The following ARHGAP22 variants were observed in gnomAD, a reference collection of about 807,000 sequenced individuals.
ARHGAP22 encodes Rho GTPase activating protein 22.
In ARHGAP22, 48 loss-of-function variants were observed where a neutral mutation model predicts 59.1. The ratio of observed to expected loss-of-function variants is 0.81; its 90% CI spans 0.64 to 1.03. ARHGAP22 has a LOEUF of 1.03. Among genes scored for constraint, ARHGAP22 ranks in the 50% least tolerant of loss-of-function variants. The pLI is 0.00. For synonymous variants in ARHGAP22, 445 were observed against 416.4 expected (o/e 1.07, Z -0.84); for missense variants, 1,015 against 958.7 (o/e 1.06, Z -0.78).
In ARHGAP22 at chr10:48,446,247, C is replaced by T; in HGVS notation, c.*144G>A. On this transcript the variant is annotated 3_prime_UTR_variant, in exon 10 of 10. Transcript: ENST00000249601. ...GAGTGTGTGGGGTCCCAAAAGTCCC[C>T]ACAGTCCCCACAGAGGTATCAGGAT... The T allele has an allele frequency of 1.2e-6, 1 of 844,160 alleles. No homozygotes were observed. Among genetic ancestry groups the T allele is most frequent in the East Asian group, 2.6e-5 (1 of 38,026 alleles). 52.3% of individuals were successfully genotyped at this position (844,160 alleles called of 1,614,324 possible). A position where few individuals can be genotyped will look rare whatever the true frequency, so the allele number is the denominator to read the frequency against.
At chr10:48,648,899 A>G (rs2062431386) in intron 1 of ARHGAP22, among the ~76,000 whole-genome samples, 1 of 152,016 alleles carries the variant, frequency 6.6e-6, no homozygotes, top group Non-Finnish European at 1.5e-5. Flanking sequence ...AGCAACATGG[A>G]TGCCCATGGA....
At chr10:48,571,263 T>C (rs2058376492) in intron 2 of ARHGAP22, among the ~76,000 whole-genome samples, 1 of 152,106 alleles carries the variant, frequency 6.6e-6, no homozygotes, top group Non-Finnish European at 1.5e-5. Flanking sequence ...TGGAATGGAG[T>C]GTAGAAGACA....
intron 5 of ARHGAP22, among the ~76,000 whole-genome samples, chr10:48,458,695 C>T (rs1467743915): frequency 2.0e-4 from 31 of 152,174 alleles, no homozygotes; most frequent in Admixed American, 2.0e-3. Context: ...CGCTGAGACA[C>T]AGGATGGAAG....
At chr10:48,480,573 T>G (rs2049200262) in intron 3 of ARHGAP22, among the ~76,000 whole-genome samples, 1 of 152,090 alleles carries the variant, frequency 6.6e-6, no homozygotes, top group Admixed American at 6.5e-5. Context: ...ATGGGGTGGG[T>G]GGGCCCAAGC....
At chr10:48,515,784 T>G (rs997787269) in intron 3 of ARHGAP22, among the ~76,000 whole-genome samples, 15 of 152,178 alleles carry the variant, frequency 9.9e-5, no homozygotes, top group African/African-American at 3.6e-4. Context: ...ATTTGAGAAA[T>G]TCACAAATAT....
intron 3 of ARHGAP22, among the ~76,000 whole-genome samples, chr10:48,491,589 G>C (rs2050395597): frequency 6.6e-6 from 1 of 152,260 alleles, no homozygotes; most frequent in Admixed American, 6.5e-5. Flanking sequence ...AGCACAGCCA[G>C]CAGAGCCTGG....
intron 1 of ARHGAP22, among the ~76,000 whole-genome samples, chr10:48,593,186 AACG>A (rs1334595160): frequency 6.6e-6 from 1 of 152,196 alleles, no homozygotes; most frequent in East Asian, 1.9e-4. Context: ...TTACTTTTTC[AACG>A]ACACCTCTCT....
intron 3 of ARHGAP22, among the ~76,000 whole-genome samples, chr10:48,534,343 C>A (rs2055149202): frequency 6.6e-6 from 1 of 152,228 alleles, no homozygotes; most frequent in South Asian, 2.1e-4. Context: ...TTCCCTGAAG[C>A]CTCACCCCCA....
At chr10:48,545,140 A>T (rs567676198) in intron 3 of ARHGAP22, among the ~76,000 whole-genome samples, 98 of 152,366 alleles carry the variant, frequency 6.4e-4, no homozygotes, top group South Asian at 1.2e-3. Flanking sequence ...TTTTAAAAAA[A>T]TTTTAAATTT....
chr10:48,534,561 G>T (rs1227085003), intron 3 of ARHGAP22, among the ~76,000 whole-genome samples: 1 of 152,216 alleles, frequency 6.6e-6, no homozygotes, highest in Admixed American at 6.5e-5. Context: ...GTGGGAGGCG[G>T]TCTCGGTTAC....
chr10:48,466,063 G>GGAGCACAGTAGAGGCT (rs1396702361), intron 4 of ARHGAP22, among the ~76,000 whole-genome samples: 3 of 152,098 alleles, frequency 2.0e-5, no homozygotes, highest in African/African-American at 7.2e-5. Context: ...CAGGCCTGGA[G>GGAGCACAGTAGAGGCT]GAGCACAGTA....
At chr10:48,506,354 A>G (rs1438662026) in intron 3 of ARHGAP22, among the ~76,000 whole-genome samples, 2 of 152,252 alleles carry the variant, frequency 1.3e-5, no homozygotes, top group African/African-American at 4.8e-5. Context: ...AAACCTGCAC[A>G]GCATGAGACT....
intron 9 of ARHGAP22, among the ~76,000 whole-genome samples, chr10:48,448,512 C>A (rs1330387669): frequency 2.0e-5 from 3 of 152,218 alleles, no homozygotes; most frequent in Non-Finnish European, 4.4e-5. Context: ...TTTGGGAATG[C>A]ACGAAGGAAG....
intron 1 of ARHGAP22, among the ~76,000 whole-genome samples, chr10:48,586,378 A>G (rs2059424112): frequency 6.6e-6 from 1 of 152,214 alleles, no homozygotes; most frequent in African/African-American, 2.4e-5. Context: ...GAGGGGAGAC[A>G]GCATAACTGC....
In ARHGAP22 at chr10:48,446,485, C is replaced by T; in HGVS notation, c.2003G>A (p.Arg668Lys). 2 of 1,614,240 alleles carry T rather than the reference C, an allele frequency of 1.2e-6. No individual in the cohort carries two copies. Among genetic ancestry groups the T allele is most frequent in the South Asian group, 1.1e-5 (1 of 91,086 alleles). ...TTCCCTCTGCAACAGCTGGTTCCTC[C>T]TCTCCGCATCCTCCCGCGCCCGTTC... ...NSERAREDAE[R>K]RNQLLQREME... Residue 668 changes from arginine (R) to lysine (K), a missense_variant, in exon 10 of 10, where the codon AGG becomes AAG. Physicochemically the swap from Arg to Lys is conservative, Grantham distance 26. Coordinates refer to ENST00000249601, the MANE Select transcript of ARHGAP22 (RefSeq NM_021226.4).
chr10:48,615,220 C>T (rs970637388), intron 1 of ARHGAP22, among the ~76,000 whole-genome samples: 2 of 152,174 alleles, frequency 1.3e-5, no homozygotes, highest in African/African-American at 4.8e-5. Context: ...AGCTAAAACA[C>T]GGTTGTAAAT....
At chr10:48,498,252 A>T (rs1198433057) in intron 3 of ARHGAP22, among the ~76,000 whole-genome samples, 1 of 152,038 alleles carries the variant, frequency 6.6e-6, no homozygotes, top group Non-Finnish European at 1.5e-5. Context: ...CCCTGCAGGG[A>T]CCACGGCAGC....
intron 2 of ARHGAP22, among the ~76,000 whole-genome samples, chr10:48,566,189 G>A (rs1294675929): frequency 3.3e-5 from 5 of 152,172 alleles, no homozygotes; most frequent in Non-Finnish European, 7.3e-5. Context: ...ATCCTCCACA[G>A]GCAGCATCTT....
chr10:48,583,025 C>A lies in ARHGAP22; in HGVS notation c.162G>T (p.Trp54Cys). The A allele has an allele frequency of 6.2e-7, 1 of 1,614,282 alleles. No homozygotes were observed. Among genetic ancestry groups the A allele is most frequent in the Non-Finnish European group, 8.5e-7 (1 of 1,180,050 alleles). The change falls in exon 2 of 10, where the codon TGG becomes TGT. Residue 54 changes from tryptophan (W) to cysteine (C), a missense_variant. Transcript: ENST00000249601. ...CACGCAGCACAAACCAGCGCTGCTG[C>A]CAGTTCTTCATGATGCTCCTCTGCT... is the stretch of plus-strand genomic sequence containing the variant. ...LKKQRSIMKNWQQRWFVLRGD... is the reference protein window; with the variant it reads ...LKKQRSIMKNCQQRWFVLRGD...
Sources: gnomAD v4.1 joint callset for allele counts (sites outside exome capture counted in the v4.1 genomes callset) on GRCh38, gnomAD v4.1.1 for gene constraint, MANE v1.5 for transcripts, NCBI Gene and HGNC (gene_info 2026-07-23, HGNC 2026-07-21) for gene names.